ZNF487: variants seen among roughly 807,000 people sequenced by gnomAD.
ZNF487 encodes the protein zinc finger protein 487.
ZNF487 carries 4 observed loss-of-function variants against 3.0 expected under a neutral mutation model. That is an observed-to-expected ratio of 1.35 (90% CI 0.66 to 3.08). ZNF487 has a LOEUF of 3.08. Among genes scored for constraint, ZNF487 ranks in the 30% most tolerant of loss-of-function variants. The probability of loss-of-function intolerance (pLI) is 0.01; values close to 1 mark genes in which losing one functional copy is unlikely to be tolerated. For synonymous variants in ZNF487, 55 were observed against 34.6 expected (o/e 1.59, Z -2.06); for missense variants, 146 against 98.7 (o/e 1.48, Z -2.03).
intron 1 of ZNF487, chr10:43,451,951 C>T (rs911452854): frequency 1.3e-5 from 2 of 152,194 alleles, no homozygotes; most frequent in Non-Finnish European, 2.9e-5. Flanking sequence ...AAGAGAGTTC[C>T]TACACCGCAA....
chr10:43,452,199 C>T (rs924277281), intron 1 of ZNF487: 1 of 152,116 alleles, frequency 6.6e-6, no homozygotes, highest in African/African-American at 2.4e-5. Flanking sequence ...TGACTACTGT[C>T]AGCTCTCAAG....
intron 1 of ZNF487, among the ~76,000 whole-genome samples, chr10:43,461,030 G>A (rs1412472176): frequency 6.7e-6 from 1 of 148,348 alleles, no homozygotes; most frequent in African/African-American, 2.5e-5. Flanking sequence ...TTTTGAGACA[G>A]AGTTTCGCTC....
At chr10:43,472,104 G>T (rs1193594005) in intron 1 of ZNF487, among the ~76,000 whole-genome samples, 2 of 152,022 alleles carry the variant, frequency 1.3e-5, no homozygotes, top group Non-Finnish European at 2.9e-5. Context: ...ACTTTGTCTG[G>T]CTGAGGCCTC....
chr10:43,439,879 G>A (rs1324230232), intron 1 of ZNF487, among the ~76,000 whole-genome samples: 1 of 152,054 alleles, frequency 6.6e-6, no homozygotes, highest in African/African-American at 2.4e-5. Flanking sequence ...GTAGAATGGT[G>A]GTTGCTAGAG....
At chr10:43,512,608 C>T in the ZNF487 span, among the ~76,000 whole-genome samples, 1,198 of 152,258 alleles carry the variant, frequency 7.9e-3, 16 homozygotes, top group African/African-American at 0.027. Flanking sequence ...TCGTGATTCA[C>T]CTATGGGGGC....
intron 3 of ZNF487, among the ~76,000 whole-genome samples, chr10:43,480,044 T>TTTCTTTCTTTCTTTCTTTCTTTC (rs201513596): frequency 4.0e-5 from 1 of 24,940 alleles, no homozygotes; most frequent in Admixed American, 6.7e-4. Context: ...TCTTTCTTTC[T>TTTCTTTCTTTCTTTCTTTCTTTC]TTTTCTTTCT....
At chr10:43,461,010 T>A (rs1489946846) in intron 1 of ZNF487, among the ~76,000 whole-genome samples, 1 of 95,212 alleles carries the variant, frequency 1.1e-5, no homozygotes, top group African/African-American at 4.1e-5. Flanking sequence ...AATATCTTAA[T>A]TTTTTTTTTT....
At chr10:43,494,040 A>G in the ZNF487 span, among the ~76,000 whole-genome samples, 27,306 of 151,308 alleles carry the variant, frequency 0.18, 2,672 homozygotes, top group Non-Finnish European at 0.2. Context: ...CTAAAAAAAA[A>G]AAAAAAAAAC....
At chr10:43,518,232 A>G in the ZNF487 span, among the ~76,000 whole-genome samples, 1 of 152,200 alleles carries the variant, frequency 6.6e-6, no homozygotes, top group Admixed American at 6.5e-5. Context: ...CACTTCGCAG[A>G]ATACACAGTG....
At chr10:43,442,848 G>A (rs1198986734) in intron 1 of ZNF487, among the ~76,000 whole-genome samples, 5 of 152,072 alleles carry the variant, frequency 3.3e-5, no homozygotes, top group Admixed American at 1.3e-4. Flanking sequence ...TGCTTGCTTC[G>A]ACAGCACATA....
At chr10:43,491,180 G>A in the ZNF487 span, among the ~76,000 whole-genome samples, 15 of 150,986 alleles carry the variant, frequency 9.9e-5, 1 homozygote, top group Middle Eastern at 3.4e-3. Context: ...CACCATGTTG[G>A]TTAGGATGGT....
At chr10:43,440,851 T>A (rs1039586830) in intron 1 of ZNF487, among the ~76,000 whole-genome samples, 1 of 151,806 alleles carries the variant, frequency 6.6e-6, no homozygotes, top group Non-Finnish European at 1.5e-5. Context: ...TTGAGTAGTT[T>A]TGCATAACCT....
the ZNF487 span, among the ~76,000 whole-genome samples, chr10:43,519,141 C>T: frequency 6.6e-6 from 1 of 151,942 alleles, no homozygotes; most frequent in Non-Finnish European, 1.5e-5. Context: ...GTCCTGGACT[C>T]CTGGGCTCAA....
chr10:43,501,820 C>G, the ZNF487 span, among the ~76,000 whole-genome samples: 3 of 150,620 alleles, frequency 2.0e-5, no homozygotes, highest in Non-Finnish European at 2.9e-5. Context: ...GGGTCTTGCT[C>G]TGCCACTCAG....
intron 1 of ZNF487, among the ~76,000 whole-genome samples, chr10:43,471,907 T>A (rs1394518102): frequency 6.6e-6 from 1 of 152,174 alleles, no homozygotes; most frequent in East Asian, 1.9e-4. Context: ...TAGCTATATA[T>A]AAAATAGGTG....
the ZNF487 span, among the ~76,000 whole-genome samples, chr10:43,514,578 G>A: frequency 6.6e-6 from 1 of 152,184 alleles, no homozygotes; most frequent in Non-Finnish European, 1.5e-5. Context: ...CAATGCTAGA[G>A]CTCTACATTA....
chr10:43,465,227 G>GC (rs1840641695), intron 1 of ZNF487, among the ~76,000 whole-genome samples: 1 of 150,144 alleles, frequency 6.7e-6, no homozygotes, highest in South Asian at 2.1e-4. Context: ...GGGGCGGCTG[G>GC]CTGGGTGGGG....
At chr10:43,491,286 T>C in the ZNF487 span, among the ~76,000 whole-genome samples, 1 of 151,662 alleles carries the variant, frequency 6.6e-6, no homozygotes. Context: ...TTTCCATAAG[T>C]GAATAACTCT....
intron 1 of ZNF487, among the ~76,000 whole-genome samples, chr10:43,467,134 CA>C: frequency 6.6e-6 from 1 of 152,202 alleles, no homozygotes; most frequent in East Asian, 1.9e-4. Flanking sequence ...CTCAGCCTCC[CA>C]TAGTGCTAGG....
Sources: allele counts gnomAD v4.1 joint callset (sites outside exome capture counted in the v4.1 genomes callset), GRCh38; gene constraint gnomAD v4.1.1; transcripts MANE v1.5; gene names NCBI Gene and HGNC (gene_info 2026-07-23, HGNC 2026-07-21).